The following SF1 variants were observed in gnomAD, a reference collection of about 807,000 sequenced individuals.
SF1 encodes the protein splicing factor 1.
SF1 carries 7 observed loss-of-function variants against 62.5 expected under a neutral mutation model. The observed-to-expected ratio is 0.11, with a 90% CI of 0.06 to 0.21. The LOEUF is 0.21. SF1 is among the 10% of genes least tolerant of loss of function. SF1 has a pLI of 1.00. For synonymous variants in SF1, 394 were observed against 323.6 expected (o/e 1.22, Z -2.33); for missense variants, 578 against 884.0 (o/e 0.65, Z 4.39).
At chr11:64,768,832 C>T (rs1937804763) in intron 8 of SF1, among the ~76,000 whole-genome samples, 190 bp downstream of exon 8, 1 of 152,170 alleles carries the variant, frequency 6.6e-6, no homozygotes, top group African/African-American at 2.4e-5. Context: ...TTCTTGGGCT[C>T]AAGACAAACA....
intron 3 of SF1, chr11:64,772,791 G>A (rs770871926): frequency 1.7e-4 from 169 of 984,978 alleles, no homozygotes; most frequent in Non-Finnish European, 1.9e-4. Flanking sequence ...TGAGGCCCAC[G>A]CTCCCTTTAA....
chr11:64,767,927 G>T, intron 9 of SF1, 83 bp from the exon 10 acceptor site: 1 of 1,533,696 alleles, frequency 6.5e-7, no homozygotes. Flanking sequence ...CACAGGACCA[G>T]AACACAAGAA....
chr11:64,766,545 C>T (rs1203916453), intron 12 of SF1: 9 of 414,474 alleles, frequency 2.2e-5, no homozygotes, highest in African/African-American at 4.1e-5. Context: ...ACCCCAATCG[C>T]AGCCCTTGCC....
Position 64,773,343 on chromosome 11 carries a change from G to C in SF1, c.236+87C>G. ...ACAGTCGTCATACTATGATTTTATT[G>C]AACTGACACAATATGTTGCCACCAG... On this transcript the variant is annotated intron_variant, in intron 3 of 12. Transcript: ENST00000377390. 3.9e-6 allele frequency: 6 copies of C among 1,550,500 alleles called. No homozygotes were observed. In the South Asian group the frequency reaches 4.9e-5, roughly 13 times the overall value.
chr11:64,770,895 C>T (rs1028231627), intron 3 of SF1, among the ~76,000 whole-genome samples: 4 of 152,168 alleles, frequency 2.6e-5, no homozygotes, highest in South Asian at 2.1e-4. Context: ...AGCTCTTTAA[C>T]CCAATGCAAC....
rs376602169 is a variant in SF1, at chr11:64,778,487, C to T, written c.-95G>A. The stretch of plus-strand genomic sequence containing the variant: ...GGGGGAGGGGACCCGAATGCGCTGC[C>T]GGAGCGCGCGGAGCCCGTCCTCTCA... On this transcript the variant is annotated 5_prime_UTR_variant, in exon 1 of 13. Coordinates refer to ENST00000377390, the MANE Select transcript of SF1 (RefSeq NM_004630.4). The T allele has an allele frequency of 6.8e-6, 8 of 1,184,182 alleles. No homozygotes were observed. In the South Asian group the frequency reaches 1.7e-4, roughly 25 times the overall value. 73.4% of individuals were successfully genotyped at this position (1,184,182 alleles called of 1,614,324 possible).
chr11:64,776,254 T>G, intron 2 of SF1: 1 of 440,160 alleles, frequency 2.3e-6, no homozygotes, highest in Non-Finnish European at 4.1e-6. Context: ...GGACTGTTCT[T>G]ACTCCTAAGT....
At chr11:64,767,458 C>G in intron 10 of SF1, 113 bp downstream of exon 10, 1 of 1,206,506 alleles carries the variant, frequency 8.3e-7, no homozygotes, top group Non-Finnish European at 1.2e-6. Flanking sequence ...GCAAGCCAGG[C>G]AGACCCAGCA....
intron 8 of SF1, among the ~76,000 whole-genome samples, chr11:64,768,524 G>A (rs1937733426): frequency 6.6e-6 from 1 of 152,222 alleles, no homozygotes; most frequent in Non-Finnish European, 1.5e-5. Context: ...AAGAGCACAG[G>A]AGACCCTGAG....
In SF1 at chr11:64,767,263, G is replaced by A; in HGVS notation, c.1343-12C>T. On this transcript the variant is annotated splice_polypyrimidine_tract_variant and intron_variant, in intron 10 of 12. Coordinates refer to ENST00000377390, the MANE Select transcript of SF1 (RefSeq NM_004630.4). ...TCCCAGGTACTGATCTTGATGGAAG[G>A]AAAGAGCAGGGACTTAGCAGGACAT... is the stretch of plus-strand genomic sequence containing the variant. The A allele has an allele frequency of 1.9e-6, 3 of 1,613,584 alleles. No homozygotes were observed. The highest frequency in any genetic ancestry group is 2.5e-6 in the Non-Finnish European group (3 of 1,179,518).
chr11:64,773,266 G>A, intron 3 of SF1, 164 bp downstream of exon 3: 1 of 1,428,446 alleles, frequency 7.0e-7, no homozygotes, highest in Non-Finnish European at 9.1e-7. Context: ...TCTAACTGTT[G>A]ACTGACCATA....
chr11:64,767,271 A>G lies in SF1; in HGVS notation c.1343-20T>C. Reference sequence around the variant, plus strand: ...ACTGATCTTGATGGAAGGAAAGAGCAGGGACTTAGCAGGACATTGGAACTG... The same window carrying G: ...ACTGATCTTGATGGAAGGAAAGAGCGGGGACTTAGCAGGACATTGGAACTG... On this transcript the variant is annotated intron_variant, in intron 10 of 12. Transcript: ENST00000377390. 6.2e-7 allele frequency: 1 copy of G among 1,613,138 alleles called. No individual in the cohort carries two copies. The highest frequency in any genetic ancestry group is 1.7e-4 in the Middle Eastern group (1 of 6,056).
At chr11:64,777,770 A>G in intron 1 of SF1, 1 of 985,144 alleles carries the variant, frequency 1.0e-6, no homozygotes, top group Non-Finnish European at 1.2e-6. Flanking sequence ...CTGCGCACAG[A>G]GCGCCTCCCG....
chr11:64,776,455 G>GT (rs34514973), intron 2 of SF1, 43 bp downstream of exon 2: 182,722 of 1,557,178 alleles, frequency 0.12, 14,349 homozygotes, highest in East Asian at 0.39. Context: ...AGAATAAATC[G>GT]TAACAATCTC....
intron 3 of SF1, chr11:64,772,940 C>G: frequency 1.0e-6 from 1 of 987,088 alleles, no homozygotes; most frequent in Non-Finnish European, 1.2e-6. Context: ...TTAGAAATCT[C>G]ATCTGATTTT....
chr11:64,778,461 G>A lies in SF1; in HGVS notation c.-69C>T. 1.1e-5 allele frequency: 13 copies of A among 1,211,046 alleles called. No homozygotes were observed. The highest frequency in any genetic ancestry group is 1.3e-5 in the Non-Finnish European group (13 of 973,434). 75.0% of individuals were successfully genotyped at this position (1,211,046 alleles called of 1,614,324 possible). On this transcript the variant is annotated 5_prime_UTR_variant, in exon 1 of 13. Coordinates refer to ENST00000377390, the MANE Select transcript of SF1 (RefSeq NM_004630.4). ...GCGGCTTCTCCTTCGCAAGCCTCCC[G>A]GGGGGAGGGGACCCGAATGCGCTGC... is the stretch of plus-strand genomic sequence containing the variant.
At chr11:64,777,974 C>A in intron 1 of SF1, 2 of 992,896 alleles carry the variant, frequency 2.0e-6, no homozygotes, top group Non-Finnish European at 2.4e-6. Flanking sequence ...CGCGCTCTCT[C>A]GGCCCGACTC....
intron 2 of SF1, among the ~76,000 whole-genome samples, chr11:64,775,069 A>G (rs1216225322): frequency 6.6e-6 from 1 of 152,174 alleles, no homozygotes; most frequent in African/African-American, 2.4e-5. Context: ...TTTATGCCTA[A>G]AAAGTTCTGA....
intron 5 of SF1, 57 bp downstream of exon 5, chr11:64,769,907 G>T: frequency 7.5e-7 from 1 of 1,328,052 alleles, no homozygotes; most frequent in African/African-American, 1.5e-5. Context: ...GCACAAAACG[G>T]ACACATCTCA....
Sources: allele counts gnomAD v4.1 joint callset (sites outside exome capture counted in the v4.1 genomes callset), GRCh38; gene constraint gnomAD v4.1.1; transcripts MANE v1.5; gene names NCBI Gene and HGNC (gene_info 2026-07-23, HGNC 2026-07-21).